The following DLGAP2 variants were observed in gnomAD, a reference collection of about 807,000 sequenced individuals.
The protein encoded by DLGAP2 is disks large-associated protein 2.
A neutral mutation model predicts 100.3 loss-of-function variants in DLGAP2; 26 were observed. The observed-to-expected ratio is 0.26, with a 90% confidence interval of 0.19 to 0.36. DLGAP2 has a LOEUF of 0.36. DLGAP2 is among the 10% of genes least tolerant of loss of function. The pLI is 1.00. For synonymous variants in DLGAP2, 886 were observed against 630.1 expected, an observed-to-expected ratio of 1.41 and a Z score of -6.08; for missense variants, 1,858 against 1,453.2, an observed-to-expected ratio of 1.28 and a Z score of -4.53.
At chr8:1,090,803 G>T (rs116724004) in intron 2 of DLGAP2, among the ~76,000 whole-genome samples, 2,047 of 152,222 alleles carry the variant, frequency 0.013, 51 homozygotes, top group African/African-American at 0.047. Flanking sequence ...CTGAATGTAG[G>T]GAAAATTCTT....
chr8:1,131,855 C>T (rs1439575018), intron 2 of DLGAP2, among the ~76,000 whole-genome samples: 1 of 152,130 alleles, frequency 6.6e-6, no homozygotes, highest in African/African-American at 2.4e-5. Context: ...TGGAAATGGT[C>T]CCGTTTTTCA....
chr8:921,927 C>A (rs1205644074), intron 2 of DLGAP2, among the ~76,000 whole-genome samples: 2 of 152,238 alleles, frequency 1.3e-5, no homozygotes, highest in African/African-American at 4.8e-5. Context: ...ACAGCTGCTT[C>A]TGGGGTGATG....
At chr8:1,676,845 A>C (rs1798822541) in intron 11 of DLGAP2, among the ~76,000 whole-genome samples, 1 of 152,214 alleles carries the variant, frequency 6.6e-6, no homozygotes, top group South Asian at 2.1e-4. Context: ...GTAATTTATC[A>C]CCTCTGAAAG....
chr8:1,156,548 C>T (rs921916660), intron 2 of DLGAP2, among the ~76,000 whole-genome samples: 1 of 151,662 alleles, frequency 6.6e-6, no homozygotes, highest in African/African-American at 2.4e-5. Flanking sequence ...CCCCCAAATC[C>T]CGGCCACGCT....
At chr8:1,283,980 C>T (rs1799872818) in intron 3 of DLGAP2, among the ~76,000 whole-genome samples, 1 of 152,214 alleles carries the variant, frequency 6.6e-6, no homozygotes, top group Admixed American at 6.5e-5. Context: ...TCATTCACGA[C>T]GGAGTTCTAG....
In DLGAP2 at chr8:1,164,111, AGCCCGC is replaced by A. The variant is rs1796947273; in HGVS notation, c.74-94739_74-94734del. 1.7e-4 allele frequency among the ~76,000 whole-genome samples: 16 copies of A among 96,062 alleles called. 3 individuals carry two copies. The highest frequency in any genetic ancestry group is 3.5e-4 in the Non-Finnish European group (14 of 40,034). 63.0% of individuals were successfully genotyped at this position (96,062 alleles called of 152,430 possible). On this transcript the variant is annotated intron_variant, in intron 2 of 14. Transcript: ENST00000637795. ...TGTGCTGGGGACAGATTTTTCTGTGAGCCCGCAGGGCCCGTCATTTTGGTTTGTGGG... is the reference window on the plus strand; with the variant it reads ...TGTGCTGGGGACAGATTTTTCTGTGAAGGGCCCGTCATTTTGGTTTGTGGG...
intron 2 of DLGAP2, among the ~76,000 whole-genome samples, chr8:917,229 CCCTTCCTTCCTT>C (rs568944410): frequency 8.0e-5 from 11 of 138,186 alleles, no homozygotes; most frequent in South Asian, 4.8e-4. Flanking sequence ...CTCCCTCCCT[CCCTTCCTTCCTT>C]CCTTCCTTCC....
intron 7 of DLGAP2, among the ~76,000 whole-genome samples, chr8:1,630,941 T>C (rs1461219129): frequency 6.8e-6 from 1 of 147,796 alleles, no homozygotes; most frequent in African/African-American, 2.5e-5. Context: ...CCCGAGGGTC[T>C]CGGCGGGAGG....
At chr8:1,070,518 G>C (rs961566644) in intron 2 of DLGAP2, among the ~76,000 whole-genome samples, 1 of 152,182 alleles carries the variant, frequency 6.6e-6, no homozygotes, top group Non-Finnish European at 1.5e-5. Flanking sequence ...CGTGTCCTTA[G>C]GCTCTGAAAT....
At chr8:1,658,465 G>A (rs117615959) in intron 8 of DLGAP2, among the ~76,000 whole-genome samples, 2 of 152,244 alleles carry the variant, frequency 1.3e-5, no homozygotes, top group East Asian at 1.9e-4. Flanking sequence ...CTATGGATCC[G>A]TCTGGTCCTG....
At chr8:1,684,459 G>GATTAA (rs1799060878) in intron 12 of DLGAP2, among the ~76,000 whole-genome samples, 1 of 151,998 alleles carries the variant, frequency 6.6e-6, no homozygotes, top group African/African-American at 2.4e-5. Flanking sequence ...TTAAAATAAA[G>GATTAA]ATTAAATTAA....
At chr8:1,303,171 G>A (rs910174850) in intron 3 of DLGAP2, among the ~76,000 whole-genome samples, 1 of 152,166 alleles carries the variant, frequency 6.6e-6, no homozygotes. Context: ...GCCGAGGCGG[G>A]TGGATCACAA....
intron 1 of DLGAP2, among the ~76,000 whole-genome samples, chr8:841,163 A>C (rs1796976988): frequency 6.6e-6 from 1 of 152,222 alleles, no homozygotes; most frequent in African/African-American, 2.4e-5. Context: ...AGGCAAGATA[A>C]ATCCTCGATT....
chr8:1,257,395 C>G (rs958758171), intron 2 of DLGAP2, among the ~76,000 whole-genome samples: 2 of 152,182 alleles, frequency 1.3e-5, no homozygotes, highest in Non-Finnish European at 2.9e-5. Context: ...GTTCCGCTCC[C>G]TCCTGAACGC....
intron 2 of DLGAP2, among the ~76,000 whole-genome samples, chr8:1,200,179 C>T (rs1458471712): frequency 1.3e-5 from 2 of 152,182 alleles, no homozygotes; most frequent in Admixed American, 6.5e-5. Context: ...CCCCCGTGCT[C>T]TCCTCCCCAC....
chr8:1,039,553 C>T (rs1404029327), intron 2 of DLGAP2, among the ~76,000 whole-genome samples: 3 of 114,462 alleles, frequency 2.6e-5, no homozygotes, highest in Non-Finnish European at 5.2e-5. Flanking sequence ...GCTTGGTGTG[C>T]GTGGTCAGCT....
chr8:911,525 G>T (rs1473982349), intron 2 of DLGAP2, among the ~76,000 whole-genome samples: 1 of 151,286 alleles, frequency 6.6e-6, no homozygotes, highest in Admixed American at 6.6e-5. Context: ...ATGTTGGAAA[G>T]ACGTGTATAA....
intron 2 of DLGAP2, among the ~76,000 whole-genome samples, chr8:918,356 C>T (rs747511935): frequency 6.6e-6 from 1 of 152,194 alleles, no homozygotes; most frequent in Non-Finnish European, 1.5e-5. Context: ...TTAAGCCATT[C>T]GTAGAATTAG....
chr8:871,700 T>C (rs1418127265), intron 1 of DLGAP2, among the ~76,000 whole-genome samples: 1 of 151,604 alleles, frequency 6.6e-6, no homozygotes, highest in African/African-American at 2.4e-5. Flanking sequence ...TCTTCCAAAA[T>C]ATGAAAAAAA....
Sources: allele counts gnomAD v4.1 joint callset (sites outside exome capture counted in the v4.1 genomes callset), GRCh38; gene constraint gnomAD v4.1.1; transcripts MANE v1.5; gene names NCBI Gene and HGNC (gene_info 2026-07-23, HGNC 2026-07-21).